SPOCK1: variants seen among roughly 807,000 people sequenced by gnomAD.
SPOCK1 encodes testican-1.
SPOCK1 carries 23 observed loss-of-function variants against 55.3 expected under a neutral mutation model. The ratio of observed to expected loss-of-function variants is 0.42; its 90% CI spans 0.30 to 0.59. The LOEUF is 0.59. Ranked by LOEUF, SPOCK1 falls within the 20% of genes least tolerant of loss-of-function variation. The pLI, the probability that SPOCK1 is intolerant of heterozygous loss-of-function variation, is 0.22. For synonymous variants in SPOCK1, 226 were observed against 221.0 expected (o/e 1.02, Z -0.20); for missense variants, 499 against 552.5 (o/e 0.90, Z 0.97).
At chr5:137,029,300 T>A (rs1228041318) in intron 6 of SPOCK1, among the ~76,000 whole-genome samples, 1 of 152,114 alleles carries the variant, frequency 6.6e-6, no homozygotes, top group East Asian at 1.9e-4. Flanking sequence ...AAAACTAAGA[T>A]CCAGACAGAT....
chr5:137,401,218 A>T (rs1751968978), intron 2 of SPOCK1, among the ~76,000 whole-genome samples: 1 of 152,372 alleles, frequency 6.6e-6, no homozygotes, highest in Middle Eastern at 3.4e-3. Flanking sequence ...GAGGAAAAGT[A>T]ATAGTGCTTA....
chr5:136,978,631 T>C lies in SPOCK1; in HGVS notation c.*23A>G. On this transcript the variant is annotated 3_prime_UTR_variant, in exon 11 of 11. Coordinates refer to ENST00000394945, the MANE Select transcript of SPOCK1 (RefSeq NM_004598.4). ...AGTGACTTGCAATTTTGTGCAAAAC[T>C]TGTGTCCTCTTTCTTGTGGGCACTA... The C allele has an allele frequency of 6.4e-7, 1 of 1,570,836 alleles. No homozygotes were observed. Among genetic ancestry groups the C allele is most frequent in the Non-Finnish European group, 8.6e-7 (1 of 1,161,660 alleles).
chr5:137,088,361 A>G (rs1251100451), intron 5 of SPOCK1, among the ~76,000 whole-genome samples: 1 of 152,218 alleles, frequency 6.6e-6, no homozygotes, highest in Non-Finnish European at 1.5e-5. Context: ...AGCTGGTTGT[A>G]TGTTTTCCTT....
intron 2 of SPOCK1, among the ~76,000 whole-genome samples, chr5:137,433,539 C>T (rs1370008361): frequency 2.0e-5 from 3 of 152,192 alleles, no homozygotes; most frequent in Non-Finnish European, 4.4e-5. Flanking sequence ...GAGAGGCAGG[C>T]CCCATTTGGC....
At chr5:137,050,860 T>G (rs1752192196) in intron 6 of SPOCK1, among the ~76,000 whole-genome samples, 1 of 152,208 alleles carries the variant, frequency 6.6e-6, no homozygotes, top group Non-Finnish European at 1.5e-5. Flanking sequence ...ACATTGACTC[T>G]CTAGTCATAA....
chr5:137,199,513 T>A (rs1268872790), intron 3 of SPOCK1, among the ~76,000 whole-genome samples: 1 of 152,148 alleles, frequency 6.6e-6, no homozygotes. Flanking sequence ...CCTCATGAGC[T>A]CTGAGTCCTT....
chr5:137,257,543 C>T (rs925900663), intron 3 of SPOCK1, among the ~76,000 whole-genome samples: 1 of 152,196 alleles, frequency 6.6e-6, no homozygotes, highest in Non-Finnish European at 1.5e-5. Context: ...CAACTTCTGG[C>T]CTCCAGAACT....
chr5:137,286,704 G>A (rs774023205), intron 2 of SPOCK1, among the ~76,000 whole-genome samples: 2 of 152,158 alleles, frequency 1.3e-5, no homozygotes, highest in African/African-American at 4.8e-5. Context: ...GCAGGAGGGT[G>A]GTAGGTGAAG....
chr5:137,132,005 TATATATATATATATAA>T (rs1469014955), intron 4 of SPOCK1, among the ~76,000 whole-genome samples: 9 of 80,242 alleles, frequency 1.1e-4, no homozygotes, highest in African/African-American at 4.1e-4. Flanking sequence ...TATATATATA[TATATATATATATATAA>T]AAAATTAGCT....
intron 2 of SPOCK1, among the ~76,000 whole-genome samples, chr5:137,465,183 G>A (rs1298769677): frequency 3.3e-5 from 5 of 152,082 alleles, no homozygotes; most frequent in African/African-American, 9.7e-5. Flanking sequence ...ATATAAGATC[G>A]CCAAATAAGT....
intron 2 of SPOCK1, among the ~76,000 whole-genome samples, chr5:137,390,468 T>C (rs551687774): frequency 6.6e-6 from 1 of 152,304 alleles, no homozygotes; most frequent in Non-Finnish European, 1.5e-5. Context: ...ACCATCTATT[T>C]GTCTTGAGGA....
At chr5:137,119,917 C>T (rs1263118003) in intron 4 of SPOCK1, among the ~76,000 whole-genome samples, 1 of 152,140 alleles carries the variant, frequency 6.6e-6, no homozygotes, top group Non-Finnish European at 1.5e-5. Context: ...TTGATCTGTC[C>T]ATCTCCTCCT....
At chr5:137,134,712 T>C (rs894599818) in intron 4 of SPOCK1, among the ~76,000 whole-genome samples, 2 of 152,096 alleles carry the variant, frequency 1.3e-5, no homozygotes, top group African/African-American at 4.8e-5. Context: ...TCGACAGCTA[T>C]GTGTATGTGT....
intron 2 of SPOCK1, among the ~76,000 whole-genome samples, chr5:137,444,234 C>T (rs1753076001): frequency 6.6e-6 from 1 of 152,186 alleles, no homozygotes; most frequent in Admixed American, 6.5e-5. Context: ...TAGATGCTCC[C>T]CCTGTCCACC....
At chr5:137,345,970 C>T (rs763517613) in intron 2 of SPOCK1, among the ~76,000 whole-genome samples, 1 of 152,226 alleles carries the variant, frequency 6.6e-6, no homozygotes, top group East Asian at 1.9e-4. Context: ...TGACAGGGCT[C>T]ATCACTGCCA....
chr5:137,188,665 A>T (rs1470302021), intron 3 of SPOCK1, among the ~76,000 whole-genome samples: 1 of 93,270 alleles, frequency 1.1e-5, no homozygotes, highest in African/African-American at 2.9e-5. Flanking sequence ...AAATTCGGCC[A>T]ATTAATAACA....
At chr5:137,451,389 C>A (rs781448658) in intron 2 of SPOCK1, among the ~76,000 whole-genome samples, 1 of 152,194 alleles carries the variant, frequency 6.6e-6, no homozygotes, top group Admixed American at 6.5e-5. Flanking sequence ...GGGATGAACT[C>A]AATGCAATCA....
intron 2 of SPOCK1, among the ~76,000 whole-genome samples, chr5:137,343,864 T>C (rs1053349823): frequency 6.6e-6 from 1 of 152,130 alleles, no homozygotes; most frequent in Non-Finnish European, 1.5e-5. Context: ...AGTGGAAGTG[T>C]TAAGTCCAAG....
intron 2 of SPOCK1, among the ~76,000 whole-genome samples, chr5:137,371,424 T>C (rs2127170893): frequency 6.6e-6 from 1 of 152,328 alleles, no homozygotes; most frequent in Non-Finnish European, 1.5e-5. Context: ...ACTGGCTTCA[T>C]GAAAACCTGA....
Sources: allele counts gnomAD v4.1 joint callset (sites outside exome capture counted in the v4.1 genomes callset), GRCh38; gene constraint gnomAD v4.1.1; transcripts MANE v1.5; gene names NCBI Gene and HGNC (gene_info 2026-07-23, HGNC 2026-07-21).